Variants in FSHR observed in about 807,000 individuals in gnomAD.
The protein encoded by FSHR is follicle-stimulating hormone receptor.
FSHR carries 46 observed loss-of-function variants against 52.1 expected under a neutral mutation model. That is an observed-to-expected ratio of 0.88 (90% confidence interval 0.70 to 1.13). FSHR has a LOEUF of 1.13. FSHR is among the 50% of genes most tolerant of loss of function. The probability of loss-of-function intolerance (pLI) is 0.00; values close to 1 mark genes in which losing one functional copy is unlikely to be tolerated. For missense variants in FSHR, 964 were observed against 834.6 expected (o/e 1.16, Z -1.91); for synonymous variants, 399 against 309.6 (o/e 1.29, Z -3.03).
intron 1 of FSHR, among the ~76,000 whole-genome samples, chr2:49,075,860 C>G (rs746324015): frequency 6.6e-6 from 1 of 152,070 alleles, no homozygotes; most frequent in Non-Finnish European, 1.5e-5. Flanking sequence ...GGCTGGTCTT[C>G]AACTCCTTGG....
At chr2:49,072,517 A>G (rs1309985565) in intron 1 of FSHR, among the ~76,000 whole-genome samples, 1 of 152,116 alleles carries the variant, frequency 6.6e-6, no homozygotes, top group Admixed American at 6.6e-5. Context: ...AAAATTATGA[A>G]CCCAATAATT....
intron 1 of FSHR, among the ~76,000 whole-genome samples, chr2:49,077,870 A>G (rs1670005472): frequency 1.3e-5 from 2 of 152,170 alleles, no homozygotes; most frequent in African/African-American, 2.4e-5. Context: ...CCTCATCTCC[A>G]TCTGAGACCA....
Position 49,061,749 on chromosome 2 carries a change from A to ACT in FSHR, c.224+6468_224+6469dup, listed in dbSNP as rs1558418332. Among the ~76,000 whole-genome samples the ACT allele has an allele frequency of 2.5e-4, 15 of 58,996 alleles. No homozygotes were observed. In the Admixed American group the frequency reaches 3.5e-3, roughly 14 times the overall value. 38.7% of individuals were successfully genotyped at this position (58,996 alleles called of 152,430 possible). On this transcript the variant is annotated intron_variant, in intron 2 of 9. Coordinates refer to ENST00000406846, the MANE Select transcript of FSHR (RefSeq NM_000145.4). Reference sequence around the variant, plus strand: ...AAAAATATATAGCTATTTATATATAACTATTTATATATAACTATATATAAC... The same window carrying ACT: ...AAAAATATATAGCTATTTATATATAACTCTATTTATATATAACTATATATAAC...
intron 4 of FSHR, among the ~76,000 whole-genome samples, chr2:48,997,877 T>G (rs1676092647): frequency 6.6e-6 from 1 of 152,114 alleles, no homozygotes; most frequent in Non-Finnish European, 1.5e-5. Flanking sequence ...TACCTGAGGC[T>G]CCTTGAGCTC....
chr2:49,027,700 A>G (rs370708567), intron 2 of FSHR, among the ~76,000 whole-genome samples: 15 of 152,182 alleles, frequency 9.9e-5, no homozygotes, highest in Middle Eastern at 3.4e-3. Context: ...AAATACAAAA[A>G]CTAGACAGGT....
intron 2 of FSHR, among the ~76,000 whole-genome samples, chr2:49,024,927 T>C (rs9808508): frequency 0.32 from 49,173 of 152,104 alleles, 9,511 homozygotes; most frequent in Non-Finnish European, 0.44. Flanking sequence ...GCATATTGCA[T>C]TGGGTTTGCA....
At chr2:48,978,352 A>C (rs991217653) in intron 8 of FSHR, among the ~76,000 whole-genome samples, 1 of 152,238 alleles carries the variant, frequency 6.6e-6, no homozygotes, top group Non-Finnish European at 1.5e-5. Flanking sequence ...AGATGGCTAG[A>C]AGACCTCTCT....
intron 2 of FSHR, among the ~76,000 whole-genome samples, chr2:49,022,091 G>A (rs1012927858): frequency 6.6e-6 from 1 of 151,380 alleles, no homozygotes. Flanking sequence ...AATAAGGCAT[G>A]CAGGAAAAGG....
At chr2:49,079,941 T>C (rs1670104287) in intron 1 of FSHR, among the ~76,000 whole-genome samples, 1 of 152,096 alleles carries the variant, frequency 6.6e-6, no homozygotes, top group African/African-American at 2.4e-5. Context: ...AGCGTTAGAC[T>C]GGAGAAAGAT....
chr2:49,083,183 C>T (rs879366115), intron 1 of FSHR, among the ~76,000 whole-genome samples: 95 of 151,564 alleles, frequency 6.3e-4, no homozygotes, highest in Non-Finnish European at 1.1e-3. Context: ...AGAGTGGGGG[C>T]CAATATTCCA....
intron 4 of FSHR, among the ~76,000 whole-genome samples, chr2:49,011,644 C>T (rs1053920645): frequency 3.3e-5 from 5 of 152,014 alleles, no homozygotes; most frequent in African/African-American, 7.2e-5. Flanking sequence ...GAACACAACT[C>T]GGTGATGCAG....
At chr2:49,083,862 A>G (rs1211189774) in intron 1 of FSHR, among the ~76,000 whole-genome samples, 1 of 149,684 alleles carries the variant, frequency 6.7e-6, no homozygotes, top group African/African-American at 2.5e-5. Flanking sequence ...TGAGTGACCT[A>G]CAAAGAGACT....
In FSHR at chr2:48,962,669, A is replaced by G; in HGVS notation, c.*64T>C. On this transcript the variant is annotated 3_prime_UTR_variant, in exon 10 of 10. Coordinates refer to ENST00000406846, the MANE Select transcript of FSHR (RefSeq NM_000145.4). ...GTAGAAGCACTGTCAGCTCTTTGTG[A>G]CATACCCTTCAAAGGCAAGACTGAA... is the stretch of plus-strand genomic sequence containing the variant. 1.3e-6 allele frequency: 2 copies of G among 1,499,532 alleles called. No homozygotes were observed. The highest frequency in any genetic ancestry group is 1.9e-6 in the Non-Finnish European group (2 of 1,077,518). 92.9% of individuals were successfully genotyped at this position (1,499,532 alleles called of 1,614,324 possible). A position where few individuals can be genotyped will look rare whatever the true frequency, so the allele number is the denominator to read the frequency against.
At chr2:49,105,655 C>T (rs560769388) in intron 1 of FSHR, among the ~76,000 whole-genome samples, 1 of 152,258 alleles carries the variant, frequency 6.6e-6, no homozygotes, top group South Asian at 2.1e-4. Flanking sequence ...AAGGCCCATC[C>T]CAGTCTCCAC....
At chr2:48,973,042 C>G (rs1292407047) in intron 8 of FSHR, among the ~76,000 whole-genome samples, 2 of 152,108 alleles carry the variant, frequency 1.3e-5, no homozygotes, top group African/African-American at 4.8e-5. Context: ...ACTGTGATGT[C>G]TTCGGATAAA....
At chr2:48,984,963 CA>C (rs1301743272) in intron 6 of FSHR, among the ~76,000 whole-genome samples, 1 of 151,710 alleles carries the variant, frequency 6.6e-6, no homozygotes, top group African/African-American at 2.4e-5. Context: ...GATCATCACA[CA>C]AAAAAAACAA....
At chr2:49,038,876 C>T (rs1040974632) in intron 2 of FSHR, among the ~76,000 whole-genome samples, 4 of 151,878 alleles carry the variant, frequency 2.6e-5, no homozygotes, top group African/African-American at 9.7e-5. Flanking sequence ...ATGAATAGAA[C>T]ATGTAACTTC....
intron 8 of FSHR, among the ~76,000 whole-genome samples, chr2:48,978,095 A>G (rs1330017681): frequency 6.6e-6 from 1 of 152,160 alleles, no homozygotes; most frequent in Non-Finnish European, 1.5e-5. Context: ...AATTGTTTCC[A>G]CATTGTTAGT....
intron 1 of FSHR, among the ~76,000 whole-genome samples, chr2:49,073,667 AC>A (rs1344874449): frequency 6.6e-6 from 1 of 152,138 alleles, no homozygotes; most frequent in African/African-American, 2.4e-5. Context: ...AATGGCAATG[AC>A]ATTCTTTATA....
Sources: gnomAD v4.1 joint callset for allele counts (sites outside exome capture counted in the v4.1 genomes callset) on GRCh38, gnomAD v4.1.1 for gene constraint, MANE v1.5 for transcripts, NCBI Gene and HGNC (gene_info 2026-07-23, HGNC 2026-07-21) for gene names.